The following SCAF4 variants were observed in gnomAD, a reference collection of about 807,000 sequenced individuals.
The protein encoded by SCAF4 is SR-related and CTD-associated factor 4.
In SCAF4, 25 loss-of-function variants were observed where a neutral mutation model predicts 129.8. The observed-to-expected ratio is 0.19, with a 90% CI of 0.14 to 0.27. The LOEUF is 0.27. Ranked by LOEUF, SCAF4 falls within the 10% of genes least tolerant of loss-of-function variation. The probability of loss-of-function intolerance (pLI) is 1.00; values close to 1 mark genes in which losing one functional copy is unlikely to be tolerated. For synonymous variants in SCAF4, 551 were observed against 497.7 expected (o/e 1.11, Z -1.43); for missense variants, 1,246 against 1,457.1 (o/e 0.86, Z 2.36).
chr21:31,691,026 T>G, intron 14 of SCAF4, 73 bp from the exon 15 acceptor site: 1 of 1,318,900 alleles, frequency 7.6e-7, no homozygotes, highest in South Asian at 1.5e-5. Context: ...TTATTCTCTA[T>G]CATTCTATCC....
intron 19 of SCAF4, among the ~76,000 whole-genome samples, chr21:31,682,345 C>G (rs2050015922): frequency 6.6e-6 from 1 of 151,222 alleles, no homozygotes; most frequent in Non-Finnish European, 1.5e-5. Context: ...CGCCACTGCA[C>G]TCCAACCTGG....
At chr21:31,726,138 C>T (rs1005476534) in intron 1 of SCAF4, among the ~76,000 whole-genome samples, 44 of 151,826 alleles carry the variant, frequency 2.9e-4, no homozygotes, top group South Asian at 2.3e-3. Context: ...CTCCGCCTCC[C>T]GGGTTCACAC....
intron 1 of SCAF4, among the ~76,000 whole-genome samples, chr21:31,731,006 C>A (rs1036456454): frequency 6.6e-6 from 1 of 152,196 alleles, no homozygotes; most frequent in Admixed American, 6.5e-5. Context: ...CACGTTGGGG[C>A]CATAGAGCCT....
intron 3 of SCAF4, among the ~76,000 whole-genome samples, chr21:31,704,652 ACCAGTATTATGT>A (rs1480097929): frequency 6.6e-6 from 1 of 152,170 alleles, no homozygotes; most frequent in Non-Finnish European, 1.5e-5. Context: ...CAGCCTAACA[ACCAGTATTATGT>A]CCATTTTTAC....
intron 19 of SCAF4, among the ~76,000 whole-genome samples, chr21:31,673,306 C>A (rs897370877): frequency 6.6e-6 from 1 of 152,106 alleles, no homozygotes; most frequent in Non-Finnish European, 1.5e-5. Context: ...TACTATAATA[C>A]TATGATTGAA....
At chr21:31,688,223 T>C (rs1366712311) in intron 16 of SCAF4, 84 bp downstream of exon 16, 11 of 1,353,144 alleles carry the variant, frequency 8.1e-6, no homozygotes, top group Non-Finnish European at 1.1e-5. Flanking sequence ...TTTTTTACTA[T>C]GAATCCAGAC....
intron 10 of SCAF4, 60 bp from the exon 11 acceptor site, chr21:31,694,349 A>C (rs780632609): frequency 4.7e-5 from 49 of 1,043,192 alleles, no homozygotes; most frequent in Non-Finnish European, 6.4e-5. Context: ...GCAAGAGGAC[A>C]AAATCTAACA....
At chr21:31,695,406 G>T (rs1261091733) in intron 9 of SCAF4, among the ~76,000 whole-genome samples, 2 of 151,854 alleles carry the variant, frequency 1.3e-5, no homozygotes, top group African/African-American at 2.4e-5. Flanking sequence ...AACCAAGGGG[G>T]AATTTCAACT....
At chr21:31,706,685 G>A in intron 1 of SCAF4, 1 of 289,528 alleles carries the variant, frequency 3.5e-6, no homozygotes, top group South Asian at 5.6e-5. Context: ...CTGAAAAAAG[G>A]CAGCAGAAGT....
chr21:31,671,468 TAA>T lies in SCAF4; in HGVS notation c.3373_3374del (p.Leu1125ThrfsTer3), dbSNP rs763655934. On this transcript the variant is annotated frameshift_variant, in exon 20 of 20. Transcript: ENST00000286835. LOFTEE classifies it high-confidence loss of function. ...CAACGGATGAGGTAGCCTCAGCAGG[TAA>T]CTCTTCAGAAGGCTTTAGGACTGCA... is the stretch of plus-strand genomic sequence containing the variant. Reference protein sequence around the residue: ...EAAVLKPSEELPAEATSSVEP... With the variant: ...EAAVLKPSEEXPAEATSSVEP... 1 of 1,614,158 alleles carries T rather than the reference TAA, an allele frequency of 6.2e-7. No individual in the cohort carries two copies. The highest frequency in any genetic ancestry group is 8.5e-7 in the Non-Finnish European group (1 of 1,179,998).
chr21:31,704,174 A>AC (rs2050599837), intron 3 of SCAF4, among the ~76,000 whole-genome samples: 1 of 151,910 alleles, frequency 6.6e-6, no homozygotes, highest in African/African-American at 2.4e-5. Flanking sequence ...ACTTCCCTAC[A>AC]CCCAATGTCC....
chr21:31,718,480 C>T (rs769907437), intron 1 of SCAF4, among the ~76,000 whole-genome samples: 3 of 151,996 alleles, frequency 2.0e-5, no homozygotes, highest in Admixed American at 2.0e-4. Context: ...CTTTTTGGTA[C>T]AGATGGGATT....
Position 31,693,595 on chromosome 21 carries a change from T to C in SCAF4, c.1323-111A>G, listed in dbSNP as rs996562755. On this transcript the variant is annotated intron_variant, in intron 11 of 19. Transcript: ENST00000286835. ...AACTAGGTAATTTAATGTTTGGGTA[T>C]GTAAGAATGCAATACCTGAGAATTC... The C allele has an allele frequency of 1.5e-5, 9 of 596,632 alleles. 1 individual carries two copies. In the Admixed American group the frequency reaches 3.5e-4, roughly 23 times the overall value. 37.0% of individuals were successfully genotyped at this position (596,632 alleles called of 1,614,324 possible).
intron 7 of SCAF4, chr21:31,700,761 T>A: frequency 2.7e-6 from 1 of 364,632 alleles, no homozygotes; most frequent in East Asian, 4.5e-5. Flanking sequence ...TTTTTTTCAC[T>A]TTTTTAATTT....
chr21:31,675,047 G>C (rs2049816845), intron 19 of SCAF4, among the ~76,000 whole-genome samples: 1 of 152,116 alleles, frequency 6.6e-6, no homozygotes, highest in Non-Finnish European at 1.5e-5. Context: ...AGTTAAGGAA[G>C]GACGTTACTA....
intron 1 of SCAF4, among the ~76,000 whole-genome samples, chr21:31,707,279 G>C (rs1023514247): frequency 6.6e-6 from 1 of 152,188 alleles, no homozygotes; most frequent in South Asian, 2.1e-4. Flanking sequence ...CTTGAACCCA[G>C]GAGGTGGAGG....
intron 6 of SCAF4, 27 bp from the exon 7 acceptor site, chr21:31,701,198 C>CA: frequency 6.6e-7 from 1 of 1,519,608 alleles, no homozygotes; most frequent in Non-Finnish European, 8.8e-7. Flanking sequence ...ACCAATAAAT[C>CA]ACAGAACAAA....
chr21:31,681,657 G>GT (rs1207124014), intron 19 of SCAF4, among the ~76,000 whole-genome samples: 5 of 152,142 alleles, frequency 3.3e-5, no homozygotes, highest in Admixed American at 2.0e-4. Context: ...TTAAAATCAA[G>GT]TAATAATTAT....
At chr21:31,697,353 T>C (rs901551728) in intron 7 of SCAF4, among the ~76,000 whole-genome samples, 4 of 152,210 alleles carry the variant, frequency 2.6e-5, no homozygotes, top group Admixed American at 6.5e-5. Flanking sequence ...TGAGATCACA[T>C]ATCTAGAAGA....
Sources: gnomAD v4.1 joint callset for allele counts (sites outside exome capture counted in the v4.1 genomes callset) on GRCh38, gnomAD v4.1.1 for gene constraint, MANE v1.5 for transcripts, NCBI Gene and HGNC (gene_info 2026-07-23, HGNC 2026-07-21) for gene names.